Variants in PHF24 observed in about 807,000 individuals in gnomAD.
PHF24 encodes the protein Galpha inhibitory interacting protein.
Under a neutral mutation model 42.6 loss-of-function variants are expected in PHF24, and 25 were observed. The ratio of observed to expected loss-of-function variants is 0.59; its 90% CI spans 0.43 to 0.82. The LOEUF is 0.82. PHF24 is among the 40% of genes least tolerant of loss of function. The pLI is 0.00. For synonymous variants in PHF24, 185 were observed against 204.8 expected (o/e 0.90, Z 0.83); for missense variants, 470 against 538.1 (o/e 0.87, Z 1.25).
chr9:34,936,287 T>A, the PHF24 span, among the ~76,000 whole-genome samples: 1 of 152,220 alleles, frequency 6.6e-6, no homozygotes. Flanking sequence ...GCCGGGCTGG[T>A]CTCCAGCTCC....
chr9:34,707,831 A>G, the PHF24 span, among the ~76,000 whole-genome samples: 25 of 152,154 alleles, frequency 1.6e-4, no homozygotes, highest in African/African-American at 5.3e-4. Context: ...TCCTGGGTTC[A>G]AGTGATTCTC....
chr9:34,864,998 G>A, the PHF24 span, among the ~76,000 whole-genome samples: 1 of 152,030 alleles, frequency 6.6e-6, no homozygotes, highest in African/African-American at 2.4e-5. Flanking sequence ...AACCAACATG[G>A]TGAAACCCTG....
chr9:34,741,755 T>C, the PHF24 span, among the ~76,000 whole-genome samples: 120,696 of 152,206 alleles, frequency 0.79, 48,559 homozygotes, highest in East Asian at 0.95. Flanking sequence ...TATTTGCTTT[T>C]CATCCTTTCC....
At chr9:34,732,380 C>A in the PHF24 span, among the ~76,000 whole-genome samples, 1 of 152,086 alleles carries the variant, frequency 6.6e-6, no homozygotes, top group South Asian at 2.1e-4. Context: ...TTTCAGAGAC[C>A]TGTTTGCAAT....
At chr9:34,901,668 C>T in the PHF24 span, among the ~76,000 whole-genome samples, 1 of 152,018 alleles carries the variant, frequency 6.6e-6, no homozygotes, top group African/African-American at 2.4e-5. Flanking sequence ...GTAATCCCAG[C>T]ACTTTGGGAG....
At chr9:34,680,889 T>G in the PHF24 span, 20 of 152,310 alleles carry the variant, frequency 1.3e-4, no homozygotes, top group African/African-American at 4.8e-4. Context: ...CCTCCTTTAT[T>G]GCATTCTTGA....
At chr9:34,873,043 A>G in the PHF24 span, among the ~76,000 whole-genome samples, 2 of 148,426 alleles carry the variant, frequency 1.3e-5, no homozygotes, top group African/African-American at 4.9e-5. Context: ...CCACTTTTTG[A>G]TGGGGTTGTT....
At chr9:34,670,576 T>G in the PHF24 span, among the ~76,000 whole-genome samples, 1 of 152,228 alleles carries the variant, frequency 6.6e-6, no homozygotes, top group Non-Finnish European at 1.5e-5. Context: ...CTTTTTGGCT[T>G]CAGCTCCGAG....
upstream of PHF24, among the ~76,000 whole-genome samples, chr9:34,957,115 G>C (rs983766916): frequency 2.0e-5 from 3 of 152,184 alleles, no homozygotes; most frequent in African/African-American, 7.2e-5. Flanking sequence ...ATTTAGAATA[G>C]TACCTGGCAC....
chr9:34,859,611 G>C, the PHF24 span, among the ~76,000 whole-genome samples: 2 of 126,996 alleles, frequency 1.6e-5, no homozygotes, highest in Non-Finnish European at 3.1e-5. Context: ...GAGCTTCCTA[G>C]TCTACCATTT....
At chr9:34,767,572 G>T in the PHF24 span, among the ~76,000 whole-genome samples, 11 of 152,248 alleles carry the variant, frequency 7.2e-5, no homozygotes, top group African/African-American at 2.7e-4. Flanking sequence ...GCAGTATTAG[G>T]GTGGGAGTGA....
the PHF24 span, among the ~76,000 whole-genome samples, chr9:34,681,598 G>A: frequency 6.6e-6 from 1 of 152,310 alleles, no homozygotes. Flanking sequence ...ATCACCTGAG[G>A]TCAGGAGTTC....
the PHF24 span, among the ~76,000 whole-genome samples, chr9:34,762,121 A>G: frequency 1.3e-5 from 2 of 152,132 alleles, no homozygotes; most frequent in East Asian, 3.9e-4. Flanking sequence ...GTTGGTTCCG[A>G]GTCTTTGCTA....
chr9:34,892,838 G>T, the PHF24 span: 2 of 693,314 alleles, frequency 2.9e-6, no homozygotes, highest in Non-Finnish European at 5.3e-6. Flanking sequence ...GTCTGCACCA[G>T]CTGACCGGGC....
At chr9:34,670,045 A>G in the PHF24 span, among the ~76,000 whole-genome samples, 2 of 152,222 alleles carry the variant, frequency 1.3e-5, no homozygotes, top group Non-Finnish European at 2.9e-5. Flanking sequence ...ACCAAAGCTC[A>G]TAAAACTTTC....
chr9:34,834,122 G>A, the PHF24 span: 290 of 1,452,912 alleles, frequency 2.0e-4, 20 homozygotes, highest in Non-Finnish European at 2.5e-4. Context: ...TGGGTCACTT[G>A]CTGTCTGCAG....
the PHF24 span, among the ~76,000 whole-genome samples, chr9:34,714,661 G>A: frequency 6.6e-6 from 1 of 152,208 alleles, no homozygotes; most frequent in Non-Finnish European, 1.5e-5. Context: ...TTGACACAGA[G>A]CCGGTGAAAG....
the PHF24 span, among the ~76,000 whole-genome samples, chr9:34,875,675 G>T: frequency 6.6e-6 from 1 of 152,088 alleles, no homozygotes; most frequent in Non-Finnish European, 1.5e-5. Context: ...CTGGAGCCTT[G>T]ACAATTTAAT....
intron 3 of PHF24, among the ~76,000 whole-genome samples, chr9:34,974,376 C>G (rs151212657): frequency 0.011 from 1,607 of 152,290 alleles, 7 homozygotes; most frequent in Non-Finnish European, 0.014. Context: ...TTATTCCTCT[C>G]TCTTTTCTTT....
Sources: allele counts gnomAD v4.1 joint callset (sites outside exome capture counted in the v4.1 genomes callset), GRCh38; gene constraint gnomAD v4.1.1; transcripts MANE v1.5; gene names NCBI Gene and HGNC (gene_info 2026-07-23, HGNC 2026-07-21).